The following NR2F6 variants were observed in gnomAD, a reference collection of about 807,000 sequenced individuals.
NR2F6 encodes ERBA-related gene-2.
In NR2F6, 16 loss-of-function variants were observed where a neutral mutation model predicts 26.5. The ratio of observed to expected loss-of-function variants is 0.60; its 90% CI spans 0.41 to 0.92. The LOEUF (loss-of-function observed/expected upper bound fraction) is 0.92. NR2F6 is among the 40% of genes least tolerant of loss of function. The probability of loss-of-function intolerance (pLI) is 0.00; values close to 1 mark genes in which losing one functional copy is unlikely to be tolerated. For missense variants in NR2F6, 536 were observed against 631.7 expected (o/e 0.85, Z 1.62); for synonymous variants, 325 against 305.0 (o/e 1.07, Z -0.68).
At chr19:17,240,858 A>G in intron 1 of NR2F6, 93 bp from the exon 2 acceptor site, 1 of 1,255,094 alleles carries the variant, frequency 8.0e-7, no homozygotes. Flanking sequence ...GCCCCTCAGA[A>G]ATACTAGTAG....
chr19:17,245,612 AC>A lies in NR2F6; in HGVS notation c.-393del, dbSNP rs2145571099. ...GCCGCTCGCCCGGGGGCTGCGGCCA[AC>A]TCAGCGGGCCGCCATCCGAGCGCGG... On this transcript the variant is annotated 5_prime_UTR_variant, in exon 1 of 4. Transcript: ENST00000291442. This position sits in a 1 kb window ranked among gnomAD's most constrained non-coding sequence, Gnocchi z 5.0. 6.9e-6 allele frequency: 1 copy of A among 145,244 alleles called. No homozygotes were observed. The highest frequency in any genetic ancestry group is 2.0e-4 in the East Asian group (1 of 4,920). The allele number at this position is 145,244 out of a possible 1,614,324, so 9.0% of individuals were successfully genotyped here.
chr19:17,236,494 AC>A (rs988310583), intron 2 of NR2F6, among the ~76,000 whole-genome samples: 20 of 151,712 alleles, frequency 1.3e-4, no homozygotes, highest in Admixed American at 1.3e-3. Flanking sequence ...ACCACCCCCC[AC>A]CCCCAGCTCC....
rs994681453 is a variant in NR2F6, at chr19:17,242,697, C to G, written c.279-1932G>C. 2.0e-5 allele frequency among the ~76,000 whole-genome samples: 3 copies of G among 152,170 alleles called. No individual in the cohort carries two copies. In the East Asian group the frequency reaches 5.8e-4, roughly 29 times the overall value. On this transcript the variant is annotated intron_variant, in intron 1 of 3. Coordinates refer to ENST00000291442, the MANE Select transcript of NR2F6 (RefSeq NM_005234.4). ...GGGTGGTGGGAGGGTCCAGGGCAGC[C>G]GGGTGGAAACGGCCTGGCCTGGGGC...
chr19:17,236,513 AAGG>A (rs2073439707), intron 2 of NR2F6, among the ~76,000 whole-genome samples: 1 of 152,044 alleles, frequency 6.6e-6, no homozygotes, highest in African/African-American at 2.4e-5. Flanking sequence ...TCCTGGGGAC[AAGG>A]AGGAGCATCT....
At chr19:17,240,596 G>A in intron 2 of NR2F6, 75 bp downstream of exon 2, 3 of 1,484,644 alleles carry the variant, frequency 2.0e-6, no homozygotes, top group South Asian at 1.1e-5. Context: ...GGGAAAAAGG[G>A]GAGGAAGAAG....
In NR2F6 at chr19:17,244,966, G is replaced by T; in HGVS notation, c.255C>A (p.Arg85=). ...GCKSFFKRSI[R]RNLSYTCRSN... ...ACCGGCAGGTGTAGCTGAGGTTGCG[G>T]CGGATGCTTCGCTTGAAAAAGCTCT... Residue 85 remains arginine (R), a synonymous_variant, in exon 1 of 4, where the codon CGC becomes CGA. Coordinates refer to ENST00000291442, the MANE Select transcript of NR2F6 (RefSeq NM_005234.4). 1 of 1,567,168 alleles carries T rather than the reference G, an allele frequency of 6.4e-7. No homozygotes were observed.
chr19:17,244,946 C>T lies in NR2F6; in HGVS notation c.275G>A (p.Cys92Tyr). ...RSIRRNLSYT[C>Y]RSNRDCQIDQ... ...GGCGCGCGGATGGGGGGCTCACCGG[C>T]AGGTGTAGCTGAGGTTGCGGCGGAT... The change falls in exon 1 of 4, where the codon TGC becomes TAC. Residue 92 changes from cysteine (C) to tyrosine (Y), a missense_variant. Cys to Tyr is a radical substitution (Grantham distance 194, BLOSUM62 -2). Coordinates refer to ENST00000291442, the MANE Select transcript of NR2F6 (RefSeq NM_005234.4). The T allele has an allele frequency of 6.4e-7, 1 of 1,563,120 alleles. No individual in the cohort carries two copies. Among genetic ancestry groups the T allele is most frequent in the Non-Finnish European group, 8.7e-7 (1 of 1,154,392 alleles).
chr19:17,232,414 G>C lies in NR2F6; in HGVS notation c.1153C>G (p.Leu385Val). The stretch of plus-strand genomic sequence containing the variant: ...CCCGACAGCAGCATGTCTCTGATCA[G>C]TGTCTCAATGGGCGTCTTCCCCACC... The part of the protein sequence containing the change: ...RLVGKTPIET[L>V]IRDMLLSGST... Residue 385 changes from leucine (L) to valine (V), a missense_variant, in exon 4 of 4, where the codon CTG (leucine) becomes GTG (valine). Leu to Val is a conservative substitution (Grantham distance 32). Coordinates refer to ENST00000291442, the MANE Select transcript of NR2F6 (RefSeq NM_005234.4). 6.2e-7 allele frequency: 1 copy of C among 1,614,154 alleles called. No individual in the cohort carries two copies. The highest frequency in any genetic ancestry group is 8.5e-7 in the Non-Finnish European group (1 of 1,180,028).
At chr19:17,240,818 G>T in intron 1 of NR2F6, 53 bp from the exon 2 acceptor site, 1 of 1,573,916 alleles carries the variant, frequency 6.4e-7, no homozygotes, top group Non-Finnish European at 8.7e-7. Flanking sequence ...CCTCCTCCCC[G>T]AACCAGCCTA....
At chr19:17,233,917 T>C (rs892809182) in intron 3 of NR2F6, among the ~76,000 whole-genome samples, 24 of 151,678 alleles carry the variant, frequency 1.6e-4, no homozygotes, top group Admixed American at 1.5e-3. Context: ...AGACCCAAGA[T>C]AGGAAGCCAA....
At chr19:17,244,732 T>A (rs995246665) in intron 1 of NR2F6, among the ~76,000 whole-genome samples, 5 of 151,870 alleles carry the variant, frequency 3.3e-5, no homozygotes, top group Admixed American at 6.6e-5. Context: ...AGGGACCACC[T>A]GATGGGGGGG....
intron 1 of NR2F6, among the ~76,000 whole-genome samples, chr19:17,243,197 C>T (rs1016996622): frequency 1.3e-5 from 2 of 152,198 alleles, no homozygotes; most frequent in Non-Finnish European, 2.9e-5. Flanking sequence ...GCAGCCCTCT[C>T]TGACCTCCAG....
intron 2 of NR2F6, among the ~76,000 whole-genome samples, chr19:17,238,899 CT>C (rs2073453744): frequency 6.6e-6 from 1 of 152,102 alleles, no homozygotes; most frequent in African/African-American, 2.4e-5. Context: ...GGGACTCTGT[CT>C]CTAGAAAATA....
rs779420237 is a variant in NR2F6 at position 17,232,560 on chromosome 19, G to A, written c.1007C>T (p.Thr336Ile). ...CGGGTACTGCGCCCGCACATACTCG[G>A]TGAGGGCCACCTGCGCCTTCTCCTG... Reference protein sequence around the residue: ...SLQEKAQVALTEYVRAQYPSQ... With the variant: ...SLQEKAQVALIEYVRAQYPSQ... Residue 336 changes from threonine (T) to isoleucine (I), a missense_variant, in exon 4 of 4, where the codon ACC (threonine) becomes ATC (isoleucine). Transcript: ENST00000291442. 7 of 1,596,178 alleles carry A rather than the reference G, an allele frequency of 4.4e-6. No individual in the cohort carries two copies. The highest frequency in any genetic ancestry group is 1.1e-5 in the South Asian group (1 of 89,686).
Position 17,232,618 on chromosome 19 carries a change from C to T in NR2F6, c.949G>A (p.Gly317Ser). Residue 317 changes from glycine to serine, a missense_variant, in exon 4 of 4, where the codon GGC becomes AGC. Physicochemically the swap from Gly to Ser is moderately conservative, Grantham distance 56. Transcript: ENST00000291442. ...TCAACGTGGGCCGGGTCTGAGAGGC[C>T]ACAGGCGTCTAGGGGGACAAAGGCA... ...AIALFTPDAC[G>S]LSDPAHVESL... The T allele has an allele frequency of 3.2e-6, 5 of 1,542,670 alleles. No individual in the cohort carries two copies. Among genetic ancestry groups the T allele is most frequent in the Non-Finnish European group, 3.5e-6 (4 of 1,147,376 alleles).
chr19:17,237,618 G>A (rs563764180), intron 2 of NR2F6, among the ~76,000 whole-genome samples: 1 of 152,024 alleles, frequency 6.6e-6, no homozygotes, highest in South Asian at 2.1e-4. Flanking sequence ...CACCATGTTG[G>A]CCAGGATGGT....
chr19:17,236,860 C>T (rs1205077033), intron 2 of NR2F6, among the ~76,000 whole-genome samples: 2 of 152,178 alleles, frequency 1.3e-5, no homozygotes, highest in African/African-American at 2.4e-5. Flanking sequence ...GCTTATGAAG[C>T]GGGGAGGCCC....
At position 17,235,475 on chromosome 19, in the gene NR2F6, G is replaced by A; in HGVS notation, c.940+24C>T. On this transcript the variant is annotated intron_variant, in intron 3 of 3. Coordinates refer to ENST00000291442, the MANE Select transcript of NR2F6 (RefSeq NM_005234.4). This position sits in a 1 kb window ranked among gnomAD's most constrained non-coding sequence, Gnocchi z 5.0. The stretch of plus-strand genomic sequence containing the variant: ...CCTCCCTTGGGTCCCCCCATCCCGC[G>A]GCCCTCTTCGGAGCGTGGCTCACCG... 2 of 1,558,520 alleles carry A rather than the reference G, an allele frequency of 1.3e-6. No homozygotes were observed. The highest frequency in any genetic ancestry group is 2.4e-5 in the East Asian group (1 of 42,182).
In NR2F6 at chr19:17,236,776, G is replaced by T. The variant is rs569192811; in HGVS notation, c.374-711C>A. On this transcript the variant is annotated intron_variant, in intron 2 of 3. Transcript: ENST00000291442. ...TACAGTGCAGGGAAGGGTTGGGGGG[G>T]ACCTACAGTAAGGAGGGGTCCCAGG... Among the ~76,000 whole-genome samples the T allele has an allele frequency of 7.4e-5, 11 of 147,848 alleles. No homozygotes were observed. In the East Asian group the frequency reaches 1.8e-3, roughly 24 times the overall value.
Sources: allele counts gnomAD v4.1 joint callset (sites outside exome capture counted in the v4.1 genomes callset), GRCh38; gene constraint gnomAD v4.1.1; non-coding constraint Gnocchi (gnomAD v3.1); transcripts MANE v1.5; gene names NCBI Gene and HGNC (gene_info 2026-07-23, HGNC 2026-07-21).